Variants in CDH13 observed in about 807,000 individuals in gnomAD.
CDH13 encodes cadherin-13.
CDH13 carries 24 observed loss-of-function variants against 63.8 expected under a neutral mutation model. The observed-to-expected ratio is 0.38, with a 90% CI of 0.27 to 0.53. CDH13 has a LOEUF of 0.53. CDH13 is among the 20% of genes least tolerant of loss of function. The pLI, the probability that CDH13 is intolerant of heterozygous loss-of-function variation, is 0.85. For missense variants in CDH13, 1,049 were observed against 903.1 expected (o/e 1.16, Z -2.07); for synonymous variants, 503 against 355.3 (o/e 1.42, Z -4.67).
At chr16:82,654,128 G>A (rs956024900) in intron 1 of CDH13, among the ~76,000 whole-genome samples, 1 of 152,130 alleles carries the variant, frequency 6.6e-6, no homozygotes, top group African/African-American at 2.4e-5. Flanking sequence ...GGCCTACACT[G>A]CACCAGCCAG....
rs1909194747 is a variant in CDH13, at chr16:83,615,300, T to C, written c.1101+12706T>C. On this transcript the variant is annotated intron_variant, in intron 8 of 13. Coordinates refer to ENST00000567109, the MANE Select transcript of CDH13 (RefSeq NM_001257.5). ...CCACGTAATTACACATTCTGCTTGC[T>C]CCAAAGAGATTAATCCAGAAAGCCA... 2.0e-5 allele frequency among the ~76,000 whole-genome samples: 3 copies of C among 152,056 alleles called. No individual in the cohort carries two copies. The South Asian group carries it at 6.2e-4, about 32-fold the overall frequency.
At chr16:82,783,675 G>T (rs995881632) in intron 1 of CDH13, among the ~76,000 whole-genome samples, 3 of 152,322 alleles carry the variant, frequency 2.0e-5, no homozygotes, top group South Asian at 4.1e-4. Context: ...TCTAATTTCA[G>T]TGAGAGGACT....
At chr16:83,270,329 C>G (rs1301146852) in intron 5 of CDH13, among the ~76,000 whole-genome samples, 1 of 152,132 alleles carries the variant, frequency 6.6e-6, no homozygotes. Context: ...AGTCGACAGA[C>G]TCAGGTTTTA....
At chr16:82,787,744 C>T (rs762981533) in intron 1 of CDH13, among the ~76,000 whole-genome samples, 23 of 144,826 alleles carry the variant, frequency 1.6e-4, no homozygotes, top group East Asian at 2.0e-4. Flanking sequence ...ATTAATCATG[C>T]TCTTGATTTT....
At chr16:83,779,000 G>A (rs766389194) in intron 11 of CDH13, among the ~76,000 whole-genome samples, 52 of 152,224 alleles carry the variant, frequency 3.4e-4, no homozygotes, top group Admixed American at 1.4e-3. Flanking sequence ...GTGAGGAAAA[G>A]TCATATTTAT....
intron 10 of CDH13, among the ~76,000 whole-genome samples, chr16:83,680,920 T>C (rs1915351518): frequency 6.6e-6 from 1 of 152,108 alleles, no homozygotes; most frequent in East Asian, 1.9e-4. Flanking sequence ...TGCTCTCCCC[T>C]GGGTTGTCTC....
intron 1 of CDH13, among the ~76,000 whole-genome samples, chr16:82,842,112 G>A (rs12933953): frequency 0.1 from 5,713 of 55,430 alleles, 425 homozygotes; most frequent in Non-Finnish European, 0.13. Flanking sequence ...ATATATATAT[G>A]TATATATATA....
chr16:83,701,511 G>A (rs565853250), intron 10 of CDH13, among the ~76,000 whole-genome samples: 4 of 152,180 alleles, frequency 2.6e-5, no homozygotes, highest in African/African-American at 7.2e-5. Flanking sequence ...ACATGCTTTC[G>A]CCGTGTGGGA....
At chr16:82,942,510 C>T (rs949431428) in intron 2 of CDH13, among the ~76,000 whole-genome samples, 10 of 152,136 alleles carry the variant, frequency 6.6e-5, no homozygotes, top group Admixed American at 1.3e-4. Flanking sequence ...GGAAGAGGGT[C>T]AGAGTTGGCT....
chr16:83,222,552 A>T (rs971395346), intron 5 of CDH13, among the ~76,000 whole-genome samples: 1 of 152,164 alleles, frequency 6.6e-6, no homozygotes, highest in African/African-American at 2.4e-5. Flanking sequence ...CAAATGATGC[A>T]CATATTACCT....
chr16:83,051,844 C>T (rs1490050547), intron 3 of CDH13, among the ~76,000 whole-genome samples: 2 of 152,204 alleles, frequency 1.3e-5, no homozygotes, highest in Non-Finnish European at 2.9e-5. Context: ...AACTTTGAGT[C>T]TGTTACCCCT....
chr16:82,970,951 C>T (rs140821545), intron 2 of CDH13, among the ~76,000 whole-genome samples: 1 of 152,094 alleles, frequency 6.6e-6, no homozygotes, highest in Non-Finnish European at 1.5e-5. Context: ...GTTGAATGTA[C>T]AAATAAATGT....
intron 5 of CDH13, among the ~76,000 whole-genome samples, chr16:83,243,162 C>T (rs1270650112): frequency 1.3e-5 from 2 of 152,098 alleles, no homozygotes; most frequent in Non-Finnish European, 2.9e-5. Context: ...ACCAGGGCCT[C>T]GAGCTGCCTG....
At chr16:82,872,683 G>C (rs2040382848) in intron 2 of CDH13, among the ~76,000 whole-genome samples, 2 of 152,312 alleles carry the variant, frequency 1.3e-5, no homozygotes, top group South Asian at 4.1e-4. Context: ...AAAAGGGCAA[G>C]AGGTACAAAT....
chr16:82,755,621 C>G (rs983192615), intron 1 of CDH13, among the ~76,000 whole-genome samples: 11 of 152,168 alleles, frequency 7.2e-5, no homozygotes, highest in Non-Finnish European at 1.3e-4. Flanking sequence ...TTTATTCAGT[C>G]CATTCTTTGT....
intron 5 of CDH13, among the ~76,000 whole-genome samples, chr16:83,273,793 G>T (rs149582581): frequency 6.6e-6 from 1 of 152,052 alleles, no homozygotes; most frequent in South Asian, 2.1e-4. Context: ...TCGTAACTAC[G>T]CAGCGAGGTA....
intron 2 of CDH13, among the ~76,000 whole-genome samples, chr16:82,978,113 A>G (rs985977432): frequency 5.3e-5 from 8 of 152,156 alleles, no homozygotes; most frequent in Non-Finnish European, 7.4e-5. Flanking sequence ...GATTTAGGGT[A>G]TCTGGCAGAA....
chr16:83,663,543 AT>A, intron 8 of CDH13, among the ~76,000 whole-genome samples: 1 of 152,286 alleles, frequency 6.6e-6, no homozygotes, highest in South Asian at 2.1e-4. Flanking sequence ...TTGAGACAAA[AT>A]AACCCGAAAA....
chr16:82,641,954 G>A (rs116334884), intron 1 of CDH13, among the ~76,000 whole-genome samples: 2,463 of 152,242 alleles, frequency 0.016, 76 homozygotes, highest in African/African-American at 0.057. Context: ...AGAGGTCATG[G>A]CGCTTGCCTT....
Sources: gnomAD v4.1 joint callset for allele counts (sites outside exome capture counted in the v4.1 genomes callset) on GRCh38, gnomAD v4.1.1 for gene constraint, MANE v1.5 for transcripts, NCBI Gene and HGNC (gene_info 2026-07-23, HGNC 2026-07-21) for gene names.